Variants in HMGA1 observed in about 807,000 individuals in gnomAD.
HMGA1 encodes the protein high mobility group protein HMG-I/HMG-Y.
HMGA1 carries 1 observed loss-of-function variant against 15.1 expected under a neutral mutation model. The observed-to-expected ratio is 0.07, with a 90% CI of 0.02 to 0.31. HMGA1 has a LOEUF of 0.31. HMGA1 is among the 10% of genes least tolerant of loss of function. The probability of loss-of-function intolerance (pLI) is 1.00; values close to 1 mark genes in which losing one functional copy is unlikely to be tolerated. For missense variants in HMGA1, 94 were observed against 141.4 expected (o/e 0.66, Z 1.70); for synonymous variants, 56 against 54.8 (o/e 1.02, Z -0.10).
At chr6:34,243,583 C>A in intron 5 of HMGA1, 65 bp downstream of exon 5, 1 of 1,288,204 alleles carries the variant, frequency 7.8e-7, no homozygotes, top group Non-Finnish European at 1.1e-6. Context: ...GTTGAGTACA[C>A]AGTACCTGAT....
intron 5 of HMGA1, among the ~76,000 whole-genome samples, chr6:34,244,231 T>C (rs1474519079): frequency 1.3e-5 from 2 of 151,822 alleles, no homozygotes; most frequent in Admixed American, 6.6e-5. Flanking sequence ...AGGAAACAAG[T>C]TGTTTTGGAG....
Position 34,242,726 on chromosome 6 carries a change from A to G in HMGA1, c.150A>G (p.Glu50=). The change falls in exon 4 of 6, where the codon GAA becomes GAG. Residue 50 remains glutamate, a synonymous_variant. Coordinates refer to ENST00000311487, the MANE Select transcript of HMGA1 (RefSeq NM_145899.3). ...ALVGSQKEPS[E]VPTPKRPRGR... is the part of the protein sequence containing the mutation. The stretch of plus-strand genomic sequence containing the variant: ...TGTCTTTACAGAAGGAGCCCAGCGA[A>G]GTGCCAACACCTAAGAGACCTCGGG... 1 of 1,585,922 alleles carries G rather than the reference A, an allele frequency of 6.3e-7. No homozygotes were observed. Among genetic ancestry groups the G allele is most frequent in the South Asian group, 1.1e-5 (1 of 87,372 alleles).
intron 5 of HMGA1, 72 bp from the exon 6 acceptor site, chr6:34,244,759 G>A (rs1056812136): frequency 4.6e-5 from 60 of 1,300,498 alleles, no homozygotes; most frequent in Middle Eastern, 2.5e-4. Flanking sequence ...CAGGGAGCGG[G>A]TGGGGCCAGC....
chr6:34,238,281 C>T (rs1272913649), intron 2 of HMGA1, among the ~76,000 whole-genome samples: 5 of 152,134 alleles, frequency 3.3e-5, no homozygotes, highest in Non-Finnish European at 7.4e-5. Context: ...GCCCCGGGTC[C>T]CGCCGGCCGG....
chr6:34,239,702 A>G (rs1423780311), intron 2 of HMGA1, among the ~76,000 whole-genome samples: 4 of 152,124 alleles, frequency 2.6e-5, no homozygotes, highest in Non-Finnish European at 5.9e-5. Flanking sequence ...TAGGATGAAG[A>G]TGTGGAGGAC....
chr6:34,242,672 A>C (rs1010678883), intron 3 of HMGA1, 40 bp from the exon 4 acceptor site: 5 of 1,390,138 alleles, frequency 3.6e-6, no homozygotes, highest in Non-Finnish European at 5.0e-6. Context: ...GGGTGGAAAC[A>C]GGTGATGACT....
intron 3 of HMGA1, among the ~76,000 whole-genome samples, chr6:34,241,187 A>G (rs1762278831): frequency 6.6e-6 from 1 of 152,194 alleles, no homozygotes; most frequent in African/African-American, 2.4e-5. Flanking sequence ...AGCACCCCAG[A>G]GGTCACATGG....
At chr6:34,242,918 T>G in intron 4 of HMGA1, 123 bp downstream of exon 4, 1 of 738,250 alleles carries the variant, frequency 1.4e-6, no homozygotes. Context: ...GTGTACCCCC[T>G]TCCCTGGTAC....
intron 2 of HMGA1, among the ~76,000 whole-genome samples, chr6:34,237,768 G>C (rs1296892534): frequency 6.6e-6 from 1 of 151,590 alleles, no homozygotes; most frequent in African/African-American, 2.4e-5. Context: ...TGGGGGGTCG[G>C]GCGCCCCCCG....
intron 2 of HMGA1, among the ~76,000 whole-genome samples, chr6:34,240,399 C>T (rs1406242554): frequency 6.6e-6 from 1 of 152,182 alleles, no homozygotes; most frequent in Non-Finnish European, 1.5e-5. Flanking sequence ...CCTCCCCACA[C>T]CTTTGTCCCA....
At chr6:34,239,569 G>A (rs779178193) in intron 2 of HMGA1, among the ~76,000 whole-genome samples, 1 of 152,210 alleles carries the variant, frequency 6.6e-6, no homozygotes, top group African/African-American at 2.4e-5. Context: ...TACAGATTGA[G>A]AGGGGTTCAG....
intron 5 of HMGA1, among the ~76,000 whole-genome samples, chr6:34,243,793 C>G (rs907464735): frequency 1.3e-5 from 2 of 152,130 alleles, no homozygotes; most frequent in Non-Finnish European, 2.9e-5. Context: ...TCCTAGAATA[C>G]TCAGAACTTC....
chr6:34,245,678 G>A lies in HMGA1; in HGVS notation c.*794G>A. On this transcript the variant is annotated 3_prime_UTR_variant, in exon 6 of 6. Transcript: ENST00000311487. ...GAGCCCTGTGGCCGCCACCTGAGGT[G>A]GGCTGGGGCTGCTCCCCTAACCCTA... The A allele has an allele frequency of 8.2e-7, 1 of 1,212,508 alleles. No homozygotes were observed. Among genetic ancestry groups the A allele is most frequent in the Non-Finnish European group, 1.1e-6 (1 of 896,942 alleles). The allele number at this position is 1,212,508 out of a possible 1,614,324, so 75.1% of individuals were successfully genotyped here.
At position 34,245,371 on chromosome 6, in the gene HMGA1, C is replaced by A; in HGVS notation, c.*487C>A. 2 of 1,356,298 alleles carry A rather than the reference C, an allele frequency of 1.5e-6. No individual in the cohort carries two copies. The highest frequency in any genetic ancestry group is 1.9e-6 in the Non-Finnish European group (2 of 1,030,994). 84.0% of individuals were successfully genotyped at this position (1,356,298 alleles called of 1,614,324 possible). A position where few individuals can be genotyped will look rare whatever the true frequency, so the allele number is the denominator to read the frequency against. On this transcript the variant is annotated 3_prime_UTR_variant, in exon 6 of 6. Transcript: ENST00000311487. ...CATCCTGGCACGCCCTACTCCACTG[C>A]CCTGGCAGCAGCAGGTGTGGCCAAT...
In HMGA1 at chr6:34,245,291, C is replaced by T; in HGVS notation, c.*407C>T. 6 of 1,371,928 alleles carry T rather than the reference C, an allele frequency of 4.4e-6. No individual in the cohort carries two copies. Among genetic ancestry groups the T allele is most frequent in the Non-Finnish European group, 5.8e-6 (6 of 1,040,172 alleles). 85.0% of individuals were successfully genotyped at this position (1,371,928 alleles called of 1,614,324 possible). A position where few individuals can be genotyped will look rare whatever the true frequency, so the allele number is the denominator to read the frequency against. On this transcript the variant is annotated 3_prime_UTR_variant, in exon 6 of 6. Coordinates refer to ENST00000311487, the MANE Select transcript of HMGA1 (RefSeq NM_145899.3). ...TCCTTCACTGTTCCCTCTGGCTTCC[C>T]ATAGTGGGGCCTGGGAGGGTTCCCC...
rs149013137 is a variant in HMGA1 at position 34,245,898 on chromosome 6, G to A, written c.*1014G>A. On this transcript the variant is annotated 3_prime_UTR_variant, in exon 6 of 6. Coordinates refer to ENST00000311487, the MANE Select transcript of HMGA1 (RefSeq NM_145899.3). Reference sequence around the variant, plus strand: ...TTCAATGTTCCATTCTTCGACATCCGTCATTGCTGCTGCTACCAGCGCCAA... The same window carrying A: ...TTCAATGTTCCATTCTTCGACATCCATCATTGCTGCTGCTACCAGCGCCAA... The A allele has an allele frequency of 2.0e-4, 62 of 313,206 alleles. No individual in the cohort carries two copies. Among genetic ancestry groups the A allele is most frequent in the African/African-American group, 1.1e-3 (49 of 45,870 alleles). 19.4% of individuals were successfully genotyped at this position (313,206 alleles called of 1,614,324 possible).
chr6:34,241,845 G>A (rs1762337112), intron 3 of HMGA1, among the ~76,000 whole-genome samples: 1 of 152,224 alleles, frequency 6.6e-6, no homozygotes, highest in South Asian at 2.1e-4. Context: ...AGTGGTCTGT[G>A]CTGACCTGGG....
chr6:34,244,048 G>C (rs1762516896), intron 5 of HMGA1, among the ~76,000 whole-genome samples: 1 of 151,800 alleles, frequency 6.6e-6, no homozygotes, highest in Non-Finnish European at 1.5e-5. Flanking sequence ...GAGTCAAGAA[G>C]CTGCCTCTAG....
At chr6:34,241,958 C>T (rs911499073) in intron 3 of HMGA1, among the ~76,000 whole-genome samples, 6 of 152,136 alleles carry the variant, frequency 3.9e-5, no homozygotes, top group Non-Finnish European at 8.8e-5. Context: ...TCCCCTCCTA[C>T]CCCACCTGTT....
Sources: allele counts gnomAD v4.1 joint callset (sites outside exome capture counted in the v4.1 genomes callset), GRCh38; gene constraint gnomAD v4.1.1; transcripts MANE v1.5; gene names NCBI Gene and HGNC (gene_info 2026-07-23, HGNC 2026-07-21).